Variants in PPP1R42 observed in about 807,000 individuals in gnomAD.
PPP1R42 encodes leucine rich repeat containing 67.
In PPP1R42, 34 loss-of-function variants were observed where a neutral mutation model predicts 31.0. The observed-to-expected ratio is 1.10, with a 90% CI of 0.83 to 1.46. The LOEUF (loss-of-function observed/expected upper bound fraction) is 1.46. PPP1R42 is among the 40% of genes most tolerant of loss of function. The probability of loss-of-function intolerance (pLI) is 0.00; values close to 1 mark genes in which losing one functional copy is unlikely to be tolerated. For missense variants in PPP1R42, 268 were observed against 303.0 expected, an observed-to-expected ratio of 0.88 and a Z score of 0.86; for synonymous variants, 103 against 109.8, an observed-to-expected ratio of 0.94 and a Z score of 0.39.
chr8:66,973,631 TA>T lies in PPP1R42; in HGVS notation c.802+8417del, dbSNP rs576420554. 1.3e-3 allele frequency among the ~76,000 whole-genome samples: 193 copies of T among 152,148 alleles called. 2 individuals are homozygous for T. The highest frequency in any genetic ancestry group is 4.3e-3 in the African/African-American group (180 of 41,430). On this transcript the variant is annotated intron_variant, in intron 7 of 7. Coordinates refer to ENST00000685739, the MANE Select transcript of PPP1R42 (RefSeq NM_001364910.1). Reference sequence around the variant, plus strand: ...AAAATCTACCCTCTTAACAAAGTTTTAAATGTACAATACATTATTTTTTTTA... The same window carrying T: ...AAAATCTACCCTCTTAACAAAGTTTTAATGTACAATACATTATTTTTTTTA...
At chr8:66,985,527 A>T in intron 6 of PPP1R42, 1 of 1,256,748 alleles carries the variant, frequency 8.0e-7, no homozygotes. Context: ...TGTCATGGAG[A>T]TTAGACGGGC....
At chr8:66,992,932 C>A (rs1033458512) in intron 5 of PPP1R42, among the ~76,000 whole-genome samples, 1 of 152,168 alleles carries the variant, frequency 6.6e-6, no homozygotes, top group Non-Finnish European at 1.5e-5. Flanking sequence ...CCACTTAATA[C>A]GCTGAAGATT....
Position 66,983,147 on chromosome 8 carries a change from C to A in PPP1R42, c.671-967G>T, listed in dbSNP as rs550949513. On this transcript the variant is annotated intron_variant, in intron 6 of 7. Transcript: ENST00000685739. ...ACACACAAAAAATAAAAAAATTATTCCCCAATGAGAAATAATCACTGATAA... is the reference window on the plus strand; with the variant it reads ...ACACACAAAAAATAAAAAAATTATTACCCAATGAGAAATAATCACTGATAA... Among the ~76,000 whole-genome samples, 3 of 152,136 alleles carry A rather than the reference C, an allele frequency of 2.0e-5. No homozygotes were observed. The South Asian group carries it at 6.2e-4, about 32-fold the overall frequency.
intron 7 of PPP1R42, among the ~76,000 whole-genome samples, chr8:66,965,727 C>T (rs896957683): frequency 1.3e-5 from 2 of 151,900 alleles, no homozygotes; most frequent in African/African-American, 4.8e-5. Context: ...TTGAGACCAG[C>T]CTGGACAGTA....
intron 7 of PPP1R42, among the ~76,000 whole-genome samples, chr8:66,981,177 T>C (rs761855914): frequency 6.6e-6 from 1 of 152,038 alleles, no homozygotes. Context: ...AAAATTAAGA[T>C]AACTGTTACA....
rs771424978 is a variant in PPP1R42 at position 67,010,780 on chromosome 8, C to G, written c.487G>C (p.Asp163His). The stretch of plus-strand genomic sequence containing the variant: ...TTAAGATTCTCTAGTAGTTCTAAGT[C>G]TGTAATGTCATCAATATTATTATTG... ...ISNNNIDDIT[D>H]LELLENLNQL... is the part of the protein sequence containing the mutation. The change falls in exon 5 of 8, where the codon GAC becomes CAC. Residue 163 changes from aspartate to histidine, a missense_variant. Coordinates refer to ENST00000685739, the MANE Select transcript of PPP1R42 (RefSeq NM_001364910.1). 6.2e-7 allele frequency: 1 copy of G among 1,606,374 alleles called. No homozygotes were observed. Among genetic ancestry groups the G allele is most frequent in the Non-Finnish European group, 8.5e-7 (1 of 1,177,186 alleles).
At chr8:66,993,614 T>C (rs543625295) in intron 5 of PPP1R42, among the ~76,000 whole-genome samples, 3 of 152,324 alleles carry the variant, frequency 2.0e-5, no homozygotes, top group African/African-American at 7.2e-5. Context: ...CTAGGACAGA[T>C]CCCTCTCTTA....
At chr8:67,016,770 T>C (rs1816028241) in intron 2 of PPP1R42, among the ~76,000 whole-genome samples, 1 of 152,180 alleles carries the variant, frequency 6.6e-6, no homozygotes. Flanking sequence ...ATAAATTCTT[T>C]AGTGGTGAGT....
At chr8:66,984,189 C>G (rs754359242) in intron 6 of PPP1R42, 11 of 1,577,246 alleles carry the variant, frequency 7.0e-6, no homozygotes, top group Non-Finnish European at 9.6e-6. Flanking sequence ...AATGTTCAGC[C>G]CCATGCTTTC....
At chr8:67,024,935 ATTTT>A (rs111426449) in intron 1 of PPP1R42, among the ~76,000 whole-genome samples, 3 of 133,806 alleles carry the variant, frequency 2.2e-5, no homozygotes, top group Admixed American at 7.5e-5. Context: ...TAGGATTTTA[ATTTT>A]TTTTTTTTTT....
chr8:67,016,086 CAAA>C (rs1292165422), intron 2 of PPP1R42, among the ~76,000 whole-genome samples: 2 of 151,868 alleles, frequency 1.3e-5, no homozygotes, highest in Non-Finnish European at 2.9e-5. Context: ...TTCTGGGCAA[CAAA>C]AGAGAAACAT....
chr8:67,002,598 T>C (rs555836033), intron 5 of PPP1R42, among the ~76,000 whole-genome samples: 11 of 152,306 alleles, frequency 7.2e-5, no homozygotes, highest in African/African-American at 2.6e-4. Flanking sequence ...TTTGTTGAGC[T>C]TCATAGATCA....
chr8:67,008,671 G>A (rs1038094421), intron 5 of PPP1R42, among the ~76,000 whole-genome samples: 2 of 146,728 alleles, frequency 1.4e-5, no homozygotes, highest in Non-Finnish European at 3.0e-5. Context: ...TCACACCACT[G>A]CTCTCCAGCC....
chr8:67,003,724 C>G (rs1210232260), intron 5 of PPP1R42, among the ~76,000 whole-genome samples: 18 of 151,590 alleles, frequency 1.2e-4, no homozygotes, highest in Admixed American at 1.1e-3. Context: ...TATGTTGAAA[C>G]TTTTTTTTTC....
At chr8:67,002,721 CT>C (rs200088897) in intron 5 of PPP1R42, among the ~76,000 whole-genome samples, 1,217 of 91,854 alleles carry the variant, frequency 0.013, 2 homozygotes, top group Middle Eastern at 0.024. Flanking sequence ...GTTGCCCCCG[CT>C]TTTTTTTTTT....
At chr8:66,996,017 T>C (rs2130940999) in intron 5 of PPP1R42, among the ~76,000 whole-genome samples, 1 of 152,348 alleles carries the variant, frequency 6.6e-6, no homozygotes, top group Admixed American at 6.5e-5. Flanking sequence ...AGTAGAGTTA[T>C]ACTAACATTG....
chr8:66,984,079 G>C (rs1242359803), intron 6 of PPP1R42: 1 of 1,498,384 alleles, frequency 6.7e-7, no homozygotes, highest in Non-Finnish European at 9.2e-7. Context: ...CAGAATAAGT[G>C]AGAGGACAGA....
At chr8:67,014,356 T>A (rs1202657637) in intron 3 of PPP1R42, 70 bp downstream of exon 3, 17 of 909,700 alleles carry the variant, frequency 1.9e-5, no homozygotes, top group Non-Finnish European at 2.5e-5. Context: ...TGGAAATGCC[T>A]TCATGCAAAA....
intron 5 of PPP1R42, among the ~76,000 whole-genome samples, chr8:66,999,647 G>A (rs1815428191): frequency 6.6e-6 from 1 of 152,182 alleles, no homozygotes. Flanking sequence ...ACTGCACCTG[G>A]CCTTGCTTTT....
Sources: gnomAD v4.1 joint callset for allele counts (sites outside exome capture counted in the v4.1 genomes callset) on GRCh38, gnomAD v4.1.1 for gene constraint, MANE v1.5 for transcripts, NCBI Gene and HGNC (gene_info 2026-07-23, HGNC 2026-07-21) for gene names.